Variants in SAMD5 observed in about 807,000 individuals in gnomAD.
The protein encoded by SAMD5 is sterile alpha motif domain-containing protein 5.
A neutral mutation model predicts 11.3 loss-of-function variants in SAMD5; 13 were observed. That is an observed-to-expected ratio of 1.15 (90% confidence interval 0.75 to 1.83). The LOEUF (loss-of-function observed/expected upper bound fraction) is 1.83. Among genes scored for constraint, SAMD5 ranks in the 40% most tolerant of loss-of-function variants. The probability of loss-of-function intolerance (pLI) is 0.00; values close to 1 mark genes in which losing one functional copy is unlikely to be tolerated. For synonymous variants in SAMD5, 129 were observed against 111.3 expected (o/e 1.16, Z -1.00); for missense variants, 255 against 239.1 (o/e 1.07, Z -0.44).
chr6:147,872,320 T>C, the SAMD5 span, among the ~76,000 whole-genome samples: 1 of 151,806 alleles, frequency 6.6e-6, no homozygotes, highest in South Asian at 2.1e-4. Flanking sequence ...CTGATCTAAA[T>C]CTCCTAGCCT....
At chr6:147,842,868 T>C in the SAMD5 span, among the ~76,000 whole-genome samples, 2 of 152,190 alleles carry the variant, frequency 1.3e-5, no homozygotes, top group Admixed American at 6.5e-5. Flanking sequence ...GTCAAAAATA[T>C]CACAAATTTT....
the SAMD5 span, among the ~76,000 whole-genome samples, chr6:147,790,784 C>T: frequency 3.6e-3 from 298 of 83,594 alleles, 1 homozygote; most frequent in South Asian, 4.4e-3. Context: ...CTCTCTCTCT[C>T]TCTCTCTCTC....
chr6:147,540,303 G>C (rs1279932425), intron 1 of SAMD5, among the ~76,000 whole-genome samples: 1 of 152,170 alleles, frequency 6.6e-6, no homozygotes. Context: ...CTGAGTCGGA[G>C]AGCAGTGAGC....
At chr6:147,916,250 TCCTTTGGGTATATA>T in the SAMD5 span, among the ~76,000 whole-genome samples, 7 of 152,138 alleles carry the variant, frequency 4.6e-5, no homozygotes, top group African/African-American at 1.4e-4. Flanking sequence ...TGATTTATAA[TCCTTTGGGTATATA>T]CCCAGTAATG....
At chr6:147,616,287 A>ATT (rs527496896) in intron 1 of SAMD5, among the ~76,000 whole-genome samples, 1 of 107,060 alleles carries the variant, frequency 9.3e-6, no homozygotes, top group African/African-American at 7.6e-5. Flanking sequence ...ATTCATATAT[A>ATT]CTTCATATAT....
At chr6:147,639,803 G>T (rs556386365) in intron 1 of SAMD5, among the ~76,000 whole-genome samples, 2 of 152,230 alleles carry the variant, frequency 1.3e-5, no homozygotes, top group Non-Finnish European at 2.9e-5. Context: ...GTTTTGGTTG[G>T]CAGTCATGCT....
the SAMD5 span, among the ~76,000 whole-genome samples, chr6:147,774,739 A>G: frequency 6.6e-6 from 1 of 152,108 alleles, no homozygotes; most frequent in South Asian, 2.1e-4. Flanking sequence ...TTTTAAAATA[A>G]TATTTTCAAA....
intron 1 of SAMD5, among the ~76,000 whole-genome samples, chr6:147,540,780 G>C (rs1053265559): frequency 2.0e-5 from 3 of 151,828 alleles, no homozygotes; most frequent in African/African-American, 4.8e-5. Context: ...AGAGAGAGGG[G>C]GGGGGTCCAG....
intron 1 of SAMD5, among the ~76,000 whole-genome samples, chr6:147,555,711 T>C (rs1383071515): frequency 1.3e-5 from 2 of 152,216 alleles, no homozygotes; most frequent in African/African-American, 2.4e-5. Flanking sequence ...AAGTTGAAGA[T>C]TGACCAATGA....
intron 1 of SAMD5, among the ~76,000 whole-genome samples, chr6:147,659,344 T>C (rs1157937104): frequency 2.0e-5 from 3 of 152,184 alleles, no homozygotes; most frequent in Non-Finnish European, 2.9e-5. Flanking sequence ...AATTTCTTTA[T>C]CAATTGTTTT....
At chr6:147,583,152 A>C (rs557391956) in intron 1 of SAMD5, among the ~76,000 whole-genome samples, 3 of 152,404 alleles carry the variant, frequency 2.0e-5, no homozygotes, top group South Asian at 2.1e-4. Flanking sequence ...TTCTGTGAAT[A>C]TCTCTCTAAC....
chr6:147,655,375 T>TA (rs1005306718), intron 1 of SAMD5, among the ~76,000 whole-genome samples: 8 of 152,168 alleles, frequency 5.3e-5, no homozygotes, highest in African/African-American at 1.9e-4. Context: ...CTTTCCCAAC[T>TA]AAAAAATTCA....
chr6:147,662,786 A>G (rs1228765664), intron 1 of SAMD5, among the ~76,000 whole-genome samples: 5 of 152,308 alleles, frequency 3.3e-5, no homozygotes, highest in African/African-American at 4.8e-5. Context: ...AATCATTTCA[A>G]TCTGCTGTCA....
chr6:147,526,899 G>C (rs1016333558), intron 1 of SAMD5, among the ~76,000 whole-genome samples: 2 of 152,144 alleles, frequency 1.3e-5, no homozygotes, highest in African/African-American at 4.8e-5. Flanking sequence ...TCCAGAAACT[G>C]GGACCTGTCA....
chr6:147,903,576 A>C, the SAMD5 span, among the ~76,000 whole-genome samples: 606 of 152,312 alleles, frequency 4.0e-3, 3 homozygotes, highest in African/African-American at 0.013. Flanking sequence ...AGGAAGCTTA[A>C]GCAGATATTT....
the SAMD5 span, among the ~76,000 whole-genome samples, chr6:147,894,148 G>A: frequency 2.8e-4 from 38 of 135,842 alleles, no homozygotes; most frequent in African/African-American, 9.9e-4. Flanking sequence ...TTTTTGAGAT[G>A]GAGTCTCGTT....
the SAMD5 span, among the ~76,000 whole-genome samples, chr6:147,877,885 A>ACACACAC: frequency 2.3e-5 from 1 of 44,356 alleles, no homozygotes; most frequent in Admixed American, 2.5e-4. Flanking sequence ...CACACACGAT[A>ACACACAC]GATAGATAGC....
the SAMD5 span, among the ~76,000 whole-genome samples, chr6:147,745,393 TAAC>T: frequency 6.6e-6 from 1 of 152,340 alleles, no homozygotes; most frequent in Admixed American, 6.5e-5. Context: ...TCAGAGTTCT[TAAC>T]AATGATATCT....
rs1478489697 is a variant in SAMD5 at position 147,533,677 on chromosome 6, G to A, written c.459+24290G>A. Among the ~76,000 whole-genome samples the A allele has an allele frequency of 7.2e-5, 11 of 151,830 alleles. No individual in the cohort carries two copies. The South Asian group carries it at 1.3e-3, about 17-fold the overall frequency. On this transcript the variant is annotated intron_variant, in intron 1 of 1. Transcript: ENST00000367474. ...CCTCTCCCCCTTCCTCCTCCTCCCC[G>A]CCTCCTCTCTTATTTTAACTGGTGA...
Sources: gnomAD v4.1 joint callset for allele counts (sites outside exome capture counted in the v4.1 genomes callset) on GRCh38, gnomAD v4.1.1 for gene constraint, MANE v1.5 for transcripts, NCBI Gene and HGNC (gene_info 2026-07-23, HGNC 2026-07-21) for gene names.